The following SLIT2 variants were observed in gnomAD, a reference collection of about 807,000 sequenced individuals.
SLIT2 encodes the protein slit guidance ligand 2, also known as slit homolog 2 protein.
Under a neutral mutation model 185.7 loss-of-function variants are expected in SLIT2, and 41 were observed. The ratio of observed to expected loss-of-function variants is 0.22; its 90% confidence interval spans 0.17 to 0.29. SLIT2 has a LOEUF of 0.29. Ranked by LOEUF, SLIT2 falls within the 10% of genes least tolerant of loss-of-function variation. The pLI is 1.00. For missense variants in SLIT2, 1,571 were observed against 1,909.0 expected (o/e 0.82, Z 3.30); for synonymous variants, 693 against 680.2 (o/e 1.02, Z -0.29).
At chr4:20,531,318 T>C (rs1039441966) in intron 16 of SLIT2, among the ~76,000 whole-genome samples, 18 of 152,244 alleles carry the variant, frequency 1.2e-4, no homozygotes, top group Admixed American at 3.9e-4. Flanking sequence ...CACTGCCATA[T>C]GCTACAACAG....
chr4:20,487,250 C>G (rs1717329511), intron 7 of SLIT2, among the ~76,000 whole-genome samples: 1 of 152,008 alleles, frequency 6.6e-6, no homozygotes, highest in Non-Finnish European at 1.5e-5. Flanking sequence ...TAAAGGAATT[C>G]TACAAGTATA....
At chr4:20,313,868 C>T (rs1466116621) in intron 4 of SLIT2, among the ~76,000 whole-genome samples, 1 of 152,192 alleles carries the variant, frequency 6.6e-6, no homozygotes, top group East Asian at 1.9e-4. Context: ...TCACCTCCTC[C>T]TGGGCAACCC....
Position 20,532,075 on chromosome 4 carries a change from C to CTT in SLIT2, c.1688+18_1688+19insTT, listed in dbSNP as rs749627639. The CTT allele has an allele frequency of 1.1e-5, 15 of 1,397,714 alleles. No individual in the cohort carries two copies. The East Asian group carries it at 3.5e-4, about 33-fold the overall frequency. 86.6% of individuals were successfully genotyped at this position (1,397,714 alleles called of 1,614,324 possible). A position where few individuals can be genotyped will look rare whatever the true frequency, so the allele number is the denominator to read the frequency against. ...ACGTAAAATGTAAGTCACTTGTTAGCTATTTTTTTTATTTCTGTAGCATTT... is the reference window on the plus strand; with the variant it reads ...ACGTAAAATGTAAGTCACTTGTTAGCTTTATTTTTTTTATTTCTGTAGCATTT... On this transcript the variant is annotated intron_variant, in intron 17 of 36. Coordinates refer to ENST00000504154, the MANE Select transcript of SLIT2 (RefSeq NM_004787.4).
At chr4:20,556,587 C>T (rs1724276113) in intron 26 of SLIT2, among the ~76,000 whole-genome samples, 1 of 152,048 alleles carries the variant, frequency 6.6e-6, no homozygotes, top group African/African-American at 2.4e-5. Context: ...CTCTCTCTCT[C>T]TCTTTCACCT....
At chr4:20,556,487 A>C (rs1481203372) in intron 26 of SLIT2, among the ~76,000 whole-genome samples, 1 of 152,038 alleles carries the variant, frequency 6.6e-6, no homozygotes, top group Non-Finnish European at 1.5e-5. Context: ...CAAATCTGAA[A>C]AAAGTTGCAT....
intron 4 of SLIT2, among the ~76,000 whole-genome samples, chr4:20,342,716 A>ATT (rs1721056835): frequency 8.8e-5 from 6 of 68,384 alleles, no homozygotes; most frequent in Admixed American, 3.1e-4. Flanking sequence ...CGACTATCGC[A>ATT]CTTTTTTTTT....
intron 21 of SLIT2, among the ~76,000 whole-genome samples, chr4:20,542,940 T>C (rs1722943020): frequency 6.6e-6 from 1 of 151,850 alleles, no homozygotes; most frequent in Non-Finnish European, 1.5e-5. Context: ...AAATATAAGG[T>C]ATCTTTCACA....
chr4:20,296,778 A>C (rs1263769228), intron 4 of SLIT2, among the ~76,000 whole-genome samples: 2 of 152,258 alleles, frequency 1.3e-5, no homozygotes, highest in Non-Finnish European at 2.9e-5. Flanking sequence ...GTTTAACTGA[A>C]TGTATCCCCC....
At chr4:20,268,748 T>G in intron 3 of SLIT2, 62 bp from the exon 4 acceptor site, 1 of 1,014,444 alleles carries the variant, frequency 9.9e-7, no homozygotes, top group South Asian at 1.3e-5. Context: ...CACTACCAAA[T>G]CACAGTCTCA....
At chr4:20,583,393 T>C (rs1195863799) in intron 29 of SLIT2, among the ~76,000 whole-genome samples, 1 of 152,206 alleles carries the variant, frequency 6.6e-6, no homozygotes, top group Non-Finnish European at 1.5e-5. Flanking sequence ...AGAATAGTTC[T>C]AAAACTATTT....
In SLIT2 at chr4:20,497,979, C is replaced by T. The variant is rs1034364605; in HGVS notation, c.914+6080C>T. 2.6e-5 allele frequency among the ~76,000 whole-genome samples: 4 copies of T among 152,270 alleles called. No individual in the cohort carries two copies. In the East Asian group the frequency reaches 7.7e-4, roughly 29 times the overall value. On this transcript the variant is annotated intron_variant, in intron 9 of 36. Transcript: ENST00000504154. The stretch of plus-strand genomic sequence containing the variant: ...ACGAGGTCAAGAGATCAACACCATC[C>T]TGGCCAAAATGGTGAAACCCTGTCT...
intron 14 of SLIT2, 70 bp downstream of exon 14, chr4:20,524,247 T>G: frequency 6.8e-7 from 1 of 1,467,750 alleles, no homozygotes; most frequent in South Asian, 1.2e-5. Context: ...CAAAAGCAGC[T>G]GGCCTTCGGC....
chr4:20,511,960 A>G (rs1461659319), intron 11 of SLIT2, among the ~76,000 whole-genome samples: 2 of 152,098 alleles, frequency 1.3e-5, no homozygotes, highest in African/African-American at 4.8e-5. Flanking sequence ...CAGCTTTTTA[A>G]TGTCAAGAGA....
At position 20,516,786 on chromosome 4, in the gene SLIT2, TAC is replaced by T. The variant is rs1404253588; in HGVS notation, c.1059-2594_1059-2593del. Among the ~76,000 whole-genome samples, 4 of 152,210 alleles carry T rather than the reference TAC, an allele frequency of 2.6e-5. No homozygotes were observed. The East Asian group carries it at 5.8e-4, about 22-fold the overall frequency. On this transcript the variant is annotated intron_variant, in intron 11 of 36. Coordinates refer to ENST00000504154, the MANE Select transcript of SLIT2 (RefSeq NM_004787.4). The stretch of plus-strand genomic sequence containing the variant: ...CTTTCTGGAGAAATGTCATTCCCAT[TAC>T]ATTGAGTATTTCTTTATTATTTTTA...
chr4:20,385,402 T>A (rs1724858264), intron 4 of SLIT2, among the ~76,000 whole-genome samples: 1 of 152,184 alleles, frequency 6.6e-6, no homozygotes. Context: ...TTAAATGAAT[T>A]CATTAGGAGA....
rs369695668 is a variant in SLIT2 at position 20,532,064 on chromosome 4, T to C, written c.1688+6T>C. 3.3e-6 allele frequency: 5 copies of C among 1,510,522 alleles called. No homozygotes were observed. Among genetic ancestry groups the C allele is most frequent in the African/African-American group, 3.0e-5 (2 of 67,164 alleles). 93.6% of individuals were successfully genotyped at this position (1,510,522 alleles called of 1,614,324 possible). On this transcript the variant is annotated splice_donor_region_variant and intron_variant, in intron 17 of 36. Coordinates refer to ENST00000504154, the MANE Select transcript of SLIT2 (RefSeq NM_004787.4). ...CTTCCTCAATTACGTAAAATGTAAG[T>C]CACTTGTTAGCTATTTTTTTTATTT...
intron 4 of SLIT2, among the ~76,000 whole-genome samples, chr4:20,350,624 T>A (rs568886941): frequency 6.6e-5 from 10 of 152,320 alleles, no homozygotes; most frequent in African/African-American, 2.2e-4. Flanking sequence ...AATATTTAAT[T>A]TTTGAAATAA....
chr4:20,283,219 A>G (rs1207534082), intron 4 of SLIT2, among the ~76,000 whole-genome samples: 2 of 152,136 alleles, frequency 1.3e-5, no homozygotes, highest in Non-Finnish European at 2.9e-5. Context: ...GCCTCAGCCA[A>G]TTGAAGCACC....
chr4:20,598,858 GT>G (rs1728192623), intron 33 of SLIT2, among the ~76,000 whole-genome samples: 1 of 152,122 alleles, frequency 6.6e-6, no homozygotes, highest in African/African-American at 2.4e-5. Context: ...TCTCCTGTCT[GT>G]GTTCCCCACG....
Sources: allele counts gnomAD v4.1 joint callset (sites outside exome capture counted in the v4.1 genomes callset), GRCh38; gene constraint gnomAD v4.1.1; transcripts MANE v1.5; gene names NCBI Gene and HGNC (gene_info 2026-07-23, HGNC 2026-07-21).